C5: variants seen among roughly 807,000 people sequenced by gnomAD.
C5 encodes complement C5, also known as C3 and PZP-like alpha-2-macroglobulin domain-containing protein 4.
A neutral mutation model predicts 218.8 loss-of-function variants in C5; 140 were observed. The observed-to-expected ratio is 0.64, with a 90% CI of 0.56 to 0.74. The LOEUF (loss-of-function observed/expected upper bound fraction) is 0.74, where lower values mean the gene tolerates loss of function less well. Ranked by LOEUF, C5 falls within the 30% of genes least tolerant of loss-of-function variation. The pLI, the probability that C5 is intolerant of heterozygous loss-of-function variation, is 0.00. For synonymous variants in C5, 614 were observed against 682.3 expected, an observed-to-expected ratio of 0.90 and a Z score of 1.56; for missense variants, 1,700 against 1,969.6, an observed-to-expected ratio of 0.86 and a Z score of 2.59.
At position 120,995,873 on chromosome 9, in the gene C5, C is replaced by T. The variant is rs1301585988; in HGVS notation, c.2851+367G>A. 2.7e-5 allele frequency among the ~76,000 whole-genome samples: 4 copies of T among 146,530 alleles called. No individual in the cohort carries two copies. The Admixed American group carries it at 2.8e-4, about 10-fold the overall frequency. ...TTGCTCTGTCGCCCAGGCTGGAGTG[C>T]AGTGGCACGATCTCAGCTCACTGTA... On this transcript the variant is annotated intron_variant, in intron 22 of 40. Transcript: ENST00000223642.
rs777465236 is a variant in C5, at chr9:121,025,560, T to C, written c.894A>G (p.Gln298=). The stretch of plus-strand genomic sequence containing the variant: ...CTGCTGTTTCAGAATCAAATGTGAC[T>C]TGAGCAATTCCATTTATCAACTTTT... ...QNTMLINGIA[Q]VTFDSETAVK... The change falls in exon 9 of 41, where the codon CAA becomes CAG. Residue 298 remains glutamine, a synonymous_variant. Transcript: ENST00000223642. The C allele has an allele frequency of 1.9e-6, 3 of 1,612,874 alleles. No individual in the cohort carries two copies. The highest frequency in any genetic ancestry group is 2.7e-5 in the African/African-American group (2 of 75,010).
Position 121,022,135 on chromosome 9 carries a change from T to A in C5, c.1117-441A>T, listed in dbSNP as rs537929854. 2.6e-5 allele frequency among the ~76,000 whole-genome samples: 4 copies of A among 152,022 alleles called. No individual in the cohort carries two copies. In the South Asian group the frequency reaches 8.3e-4, roughly 32 times the overall value. On this transcript the variant is annotated intron_variant, in intron 10 of 40. Transcript: ENST00000223642. The stretch of plus-strand genomic sequence containing the variant: ...TCATTCTATTAAGTCAGTCAAGGAG[T>A]AGGTGTGATAAGGTCTTCTGCTATC...
rs71994831 is a variant in C5, at chr9:120,962,362, ATGATT to A, written c.4504+304_4504+308del. ...GTTGATTTCTCTCAAAAGGAGAGAT[ATGATT>A]TATCTGTGAACACCATAGATAAACC... On this transcript the variant is annotated intron_variant, in intron 36 of 40. Transcript: ENST00000223642. Among the ~76,000 whole-genome samples the A allele has an allele frequency of 7.9e-3, 1,198 of 152,340 alleles. 15 individuals carry two copies. The highest frequency in any genetic ancestry group is 0.024 in the East Asian group (122 of 5,182).
intron 17 of C5, among the ~76,000 whole-genome samples, chr9:121,011,098 T>A (rs72758170): frequency 0.1 from 15,939 of 152,118 alleles, 883 homozygotes; most frequent in African/African-American, 0.14. Flanking sequence ...AATACCCCAC[T>A]ACACAGACAA....
chr9:120,996,145 A>G (rs997513300), intron 22 of C5, 95 bp downstream of exon 22: 11 of 991,382 alleles, frequency 1.1e-5, no homozygotes, highest in Admixed American at 5.1e-5. Flanking sequence ...GATTTTAGAC[A>G]ATTCACTTTC....
rs2047385369 is a variant in C5, at chr9:121,023,504, T to C, written c.1016A>G (p.Glu339Gly). 8 of 1,611,118 alleles carry C rather than the reference T, an allele frequency of 5.0e-6. No homozygotes were observed. In the East Asian group the frequency reaches 1.8e-4, roughly 36 times the overall value. The change falls in exon 10 of 41, where the codon GAG becomes GGG. Residue 339 changes from glutamate (E) to glycine (G), a missense_variant. By Grantham distance (98) the Glu-to-Gly change is moderately conservative. Transcript: ENST00000223642. ...ATATTTGATGCCAGGTATTTCTGCC[T>C]CTTCAGAAAATCCACCTAAGGAAAT... ...VIESTGGFSE[E>G]AEIPGIKYVL...
chr9:121,026,056 C>T (rs1238954532), intron 8 of C5, among the ~76,000 whole-genome samples: 1 of 152,006 alleles, frequency 6.6e-6, no homozygotes, highest in Non-Finnish European at 1.5e-5. Context: ...TAAACTTTGC[C>T]TTATTTTTTC....
chr9:121,072,931 T>C, the C5 span, among the ~76,000 whole-genome samples: 1 of 152,096 alleles, frequency 6.6e-6, no homozygotes, highest in African/African-American at 2.4e-5. Flanking sequence ...TGTAAATAGT[T>C]GGGGAGAGGA....
chr9:120,967,728 T>A (rs1423760265), intron 33 of C5, among the ~76,000 whole-genome samples: 1 of 152,082 alleles, frequency 6.6e-6, no homozygotes, highest in East Asian at 1.9e-4. Context: ...TTTTTCTTTT[T>A]TTTTTTATTT....
At chr9:120,989,233 C>A in intron 24 of C5, 112 bp from the exon 25 acceptor site, 1 of 840,336 alleles carries the variant, frequency 1.2e-6, no homozygotes, top group Non-Finnish European at 2.1e-6. Flanking sequence ...GGGCAGCAAG[C>A]ATATGCTCTG....
intron 33 of C5, 55 bp downstream of exon 33, chr9:120,969,006 G>C (rs576202900): frequency 9.1e-6 from 13 of 1,434,274 alleles, no homozygotes; most frequent in Non-Finnish European, 1.1e-5. Context: ...GAAACAATAC[G>C]TTAACAAAAA....
chr9:121,039,231 T>C (rs2047555989), intron 3 of C5, among the ~76,000 whole-genome samples: 1 of 152,222 alleles, frequency 6.6e-6, no homozygotes, highest in Non-Finnish European at 1.5e-5. Flanking sequence ...ATTATTTCTG[T>C]TACTACTATT....
At chr9:120,982,851 G>T (rs199574645) in intron 25 of C5, 37 bp from the exon 26 acceptor site, 2 of 1,181,458 alleles carry the variant, frequency 1.7e-6, no homozygotes, top group Admixed American at 1.9e-5. Context: ...TATTTAGAAC[G>T]CTGAATCCCT....
the C5 span, among the ~76,000 whole-genome samples, chr9:121,072,104 C>T: frequency 6.6e-6 from 1 of 152,160 alleles, no homozygotes; most frequent in East Asian, 1.9e-4. Context: ...TCTCTAGCTT[C>T]GTTAGAGATG....
In C5 at chr9:121,046,405, A is replaced by G. The variant is rs769013018; in HGVS notation, c.66-22T>C. On this transcript the variant is annotated intron_variant, in intron 1 of 40. Transcript: ENST00000223642. ...ATATCTGTTGAAAAAGGAAAAGATA[A>G]GGCTCAATGTCTTTATATGACATAT... is the stretch of plus-strand genomic sequence containing the variant. The G allele has an allele frequency of 5.3e-6, 8 of 1,515,634 alleles. No homozygotes were observed. In the South Asian group the frequency reaches 9.0e-5, roughly 17 times the overall value. 93.9% of individuals were successfully genotyped at this position (1,515,634 alleles called of 1,614,324 possible).
intron 20 of C5, 39 bp downstream of exon 20, chr9:121,005,880 A>T (rs1464524666): frequency 6.2e-7 from 1 of 1,604,042 alleles, no homozygotes; most frequent in Non-Finnish European, 8.5e-7. Context: ...AAAACCAGAG[A>T]ATGTTTCCTT....
rs1008713995 is a variant in C5 at position 120,970,256 on chromosome 9, A to G, written c.4081-5T>C. On this transcript the variant is annotated splice_polypyrimidine_tract_variant and splice_region_variant and intron_variant, in intron 31 of 40. Transcript: ENST00000223642. ...TTTGTGAACTACAGTTGTTACCTAC[A>G]TTGGGGACAAGTAAGCAAGAAGATT... 2 of 1,596,774 alleles carry G rather than the reference A, an allele frequency of 1.3e-6. No individual in the cohort carries two copies. The highest frequency in any genetic ancestry group is 1.3e-5 in the African/African-American group (1 of 74,750).
chr9:120,970,345 G>A (rs775203740), intron 31 of C5, 94 bp from the exon 32 acceptor site: 33 of 803,772 alleles, frequency 4.1e-5, no homozygotes, highest in Non-Finnish European at 6.1e-5. Context: ...TGGGATGCTC[G>A]AAGGATCATT....
intron 22 of C5, among the ~76,000 whole-genome samples, chr9:120,995,225 A>G (rs1270894337): frequency 6.6e-6 from 1 of 152,220 alleles, no homozygotes. Context: ...AGGAAATGAC[A>G]CTGATGATAG....
Sources: gnomAD v4.1 joint callset for allele counts (sites outside exome capture counted in the v4.1 genomes callset) on GRCh38, gnomAD v4.1.1 for gene constraint, MANE v1.5 for transcripts, NCBI Gene and HGNC (gene_info 2026-07-23, HGNC 2026-07-21) for gene names.